Variants in ADGRL2 observed in about 807,000 individuals in gnomAD.
The protein encoded by ADGRL2 is adhesion G protein-coupled receptor L2, also known as calcium-independent alpha-latrotoxin receptor 2.
In ADGRL2, 44 loss-of-function variants were observed where a neutral mutation model predicts 157.4. The ratio of observed to expected loss-of-function variants is 0.28; its 90% CI spans 0.22 to 0.36. The LOEUF (loss-of-function observed/expected upper bound fraction) is 0.36. Among genes scored for constraint, ADGRL2 ranks in the 10% least tolerant of loss-of-function variants. ADGRL2 has a pLI of 1.00. For missense variants in ADGRL2, 1,510 were observed against 1,768.9 expected (o/e 0.85, Z 2.63); for synonymous variants, 585 against 624.7 (o/e 0.94, Z 0.95).
intron 2 of ADGRL2, among the ~76,000 whole-genome samples, chr1:81,855,478 C>T (rs895344649): frequency 2.6e-5 from 4 of 151,932 alleles, no homozygotes; most frequent in African/African-American, 7.3e-5. Flanking sequence ...AAAATCAAGT[C>T]GGCAGGTGCT....
At chr1:81,987,706 A>G (rs963749856) in intron 22 of ADGRL2, among the ~76,000 whole-genome samples, 163 bp from the exon 23 acceptor site, 3 of 151,934 alleles carry the variant, frequency 2.0e-5, no homozygotes, top group African/African-American at 4.8e-5. Flanking sequence ...AAGTTTTCAC[A>G]TAATTACTGC....
At chr1:81,497,218 A>G (rs12097416) in intron 2 of ADGRL2, among the ~76,000 whole-genome samples, 17,198 of 152,240 alleles carry the variant, frequency 0.11, 1,526 homozygotes, top group African/African-American at 0.24. Flanking sequence ...AGGTCTAGGT[A>G]GCTGGGTTCA....
intron 1 of ADGRL2, among the ~76,000 whole-genome samples, chr1:81,803,692 C>T (rs1050790905): frequency 6.6e-6 from 1 of 152,110 alleles, no homozygotes; most frequent in African/African-American, 2.4e-5. Context: ...AGCGTCTGAG[C>T]TGCAGCTACC....
intron 1 of ADGRL2, among the ~76,000 whole-genome samples, chr1:81,430,112 C>T (rs2077293869): frequency 6.6e-6 from 1 of 152,118 alleles, no homozygotes; most frequent in South Asian, 2.1e-4. Context: ...AGGCTGGTTT[C>T]GAACTCCCGA....
intron 1 of ADGRL2, among the ~76,000 whole-genome samples, chr1:81,805,050 TA>T (rs2088906649): frequency 6.6e-6 from 1 of 152,204 alleles, no homozygotes; most frequent in Non-Finnish European, 1.5e-5. Flanking sequence ...TTTAAATAGA[TA>T]ATTCTGTTTA....
chr1:81,363,740 A>G (rs1005408477), intron 1 of ADGRL2, among the ~76,000 whole-genome samples: 3 of 152,140 alleles, frequency 2.0e-5, no homozygotes, highest in African/African-American at 4.8e-5. Context: ...AAGAAAGGGA[A>G]CTTTCTTAGT....
chr1:81,832,622 C>G (rs2150120013), intron 1 of ADGRL2, among the ~76,000 whole-genome samples: 1 of 152,298 alleles, frequency 6.6e-6, no homozygotes, highest in Admixed American at 6.5e-5. Context: ...TTAATGTCCT[C>G]TAGACTTGAT....
chr1:81,836,836 G>T (rs1481031209), intron 1 of ADGRL2, 49 bp from the exon 2 acceptor site: 1 of 519,542 alleles, frequency 1.9e-6, no homozygotes, highest in Non-Finnish European at 3.4e-6. Context: ...GAATTGTTTT[G>T]TTATGTAGAA....
At chr1:81,747,305 A>ATTTT (rs1406668002) in intron 1 of ADGRL2, among the ~76,000 whole-genome samples, 3 of 139,794 alleles carry the variant, frequency 2.1e-5, no homozygotes, top group African/African-American at 7.7e-5. Flanking sequence ...ATATATATAT[A>ATTTT]TATTTTTTTT....
intron 1 of ADGRL2, among the ~76,000 whole-genome samples, chr1:81,405,346 A>G (rs1446507975): frequency 6.6e-6 from 1 of 152,180 alleles, no homozygotes; most frequent in Non-Finnish European, 1.5e-5. Context: ...TATTCAGAGA[A>G]CTGAATACCC....
chr1:81,797,153 TCAA>T (rs555878795), upstream of ADGRL2, among the ~76,000 whole-genome samples: 300 of 152,288 alleles, frequency 2.0e-3, no homozygotes, highest in Middle Eastern at 3.4e-3. Context: ...CCAAGCATCA[TCAA>T]CAAGTAATGA....
chr1:81,949,931 TAA>T (rs939472586), intron 6 of ADGRL2, among the ~76,000 whole-genome samples: 2 of 152,220 alleles, frequency 1.3e-5, no homozygotes, highest in Non-Finnish European at 2.9e-5. Context: ...GAAATAAACT[TAA>T]GAGTCATACA....
At chr1:81,835,654 A>T (rs537453011) in intron 1 of ADGRL2, among the ~76,000 whole-genome samples, 1 of 152,046 alleles carries the variant, frequency 6.6e-6, no homozygotes, top group Non-Finnish European at 1.5e-5. Context: ...ACAGATAAGC[A>T]TCTGAGGTGT....
chr1:81,552,577 C>A (rs1251771686), intron 2 of ADGRL2, among the ~76,000 whole-genome samples: 1 of 139,318 alleles, frequency 7.2e-6, no homozygotes, highest in Non-Finnish European at 1.5e-5. Flanking sequence ...TGAATGCTAA[C>A]CACGTAGAGT....
intron 2 of ADGRL2, among the ~76,000 whole-genome samples, chr1:81,878,115 A>G (rs544745932): frequency 6.6e-6 from 1 of 152,254 alleles, no homozygotes; most frequent in South Asian, 2.1e-4. Context: ...CTCATCTGGT[A>G]AGCTTTCCAA....
chr1:81,531,496 G>A (rs1222639037), intron 2 of ADGRL2, among the ~76,000 whole-genome samples: 2 of 152,136 alleles, frequency 1.3e-5, no homozygotes, highest in East Asian at 3.9e-4. Flanking sequence ...TTAATAATTA[G>A]GGTGCTGAAT....
intron 3 of ADGRL2, among the ~76,000 whole-genome samples, chr1:81,657,990 C>T (rs567117544): frequency 6.6e-6 from 1 of 152,204 alleles, no homozygotes; most frequent in Middle Eastern, 3.4e-3. Context: ...CTTATGTGCA[C>T]CTGGAGGAAT....
rs573531729 is a variant in ADGRL2, at chr1:81,372,875, A to C, written c.-302+66366A>C. 4.6e-5 allele frequency among the ~76,000 whole-genome samples: 7 copies of C among 152,348 alleles called. No homozygotes were observed. In the East Asian group the frequency reaches 1.4e-3, roughly 29 times the overall value. On this transcript the variant is annotated intron_variant, in intron 1 of 24. Transcript: ENST00000370721. ...TGTTCCCCAGAAGTGTGTTGGCAAC[A>C]GCTTAGTATAGAACTGTAATTGTTT... is the stretch of plus-strand genomic sequence containing the variant.
intron 2 of ADGRL2, among the ~76,000 whole-genome samples, chr1:81,476,784 C>T (rs1481859972): frequency 6.6e-6 from 1 of 152,186 alleles, no homozygotes; most frequent in African/African-American, 2.4e-5. Context: ...AGTCATTCTA[C>T]CTTTTTCTCA....
Sources: allele counts gnomAD v4.1 joint callset (sites outside exome capture counted in the v4.1 genomes callset), GRCh38; gene constraint gnomAD v4.1.1; transcripts MANE v1.5; gene names NCBI Gene and HGNC (gene_info 2026-07-23, HGNC 2026-07-21).